The following TET3 variants were observed in gnomAD, a reference collection of about 807,000 sequenced individuals.
TET3 encodes methylcytosine dioxygenase TET3.
In TET3, 19 loss-of-function variants were observed where a neutral mutation model predicts 141.4. The ratio of observed to expected loss-of-function variants is 0.13; its 90% CI spans 0.09 to 0.20. TET3 has a LOEUF of 0.20. TET3 is among the 10% of genes least tolerant of loss of function. TET3 has a pLI of 1.00. For synonymous variants in TET3, 1,043 were observed against 980.9 expected (o/e 1.06, Z -1.18); for missense variants, 1,874 against 2,356.9 (o/e 0.80, Z 4.24).
chr2:74,067,094 T>C (rs6741544), intron 4 of TET3, among the ~76,000 whole-genome samples: 46,686 of 151,626 alleles, frequency 0.31, 7,673 homozygotes, highest in African/African-American at 0.41. Flanking sequence ...ATTCTCTTTC[T>C]CTCCCTCCCC....
chr2:74,036,180 AG>A (rs1687048558), intron 3 of TET3, among the ~76,000 whole-genome samples: 1 of 152,234 alleles, frequency 6.6e-6, no homozygotes, highest in Non-Finnish European at 1.5e-5. Flanking sequence ...CCCAATTTAC[AG>A]GTGACAAAAC....
At chr2:74,056,579 CA>C (rs1349463474) in intron 4 of TET3, among the ~76,000 whole-genome samples, 2 of 151,704 alleles carry the variant, frequency 1.3e-5, no homozygotes, top group Non-Finnish European at 2.9e-5. Flanking sequence ...TCTCAGTGGT[CA>C]AAACAAGACA....
the TET3 span, among the ~76,000 whole-genome samples, chr2:74,131,561 A>T: frequency 6.6e-6 from 1 of 152,120 alleles, no homozygotes; most frequent in East Asian, 1.9e-4. Flanking sequence ...ACCAGGGCTG[A>T]GGGGCACTAC....
At chr2:74,132,718 T>A in the TET3 span, among the ~76,000 whole-genome samples, 1 of 151,878 alleles carries the variant, frequency 6.6e-6, no homozygotes, top group Non-Finnish European at 1.5e-5. Flanking sequence ...AATTAAGAGG[T>A]ACTGGCATTC....
intron 3 of TET3, among the ~76,000 whole-genome samples, chr2:74,038,097 G>A (rs1461734010): frequency 1.3e-5 from 2 of 152,222 alleles, no homozygotes; most frequent in African/African-American, 2.4e-5. Flanking sequence ...TAAGAAGACA[G>A]TGCACTGTAG....
In TET3 at chr2:74,093,952, G is replaced by A. The variant is rs2104134221; in HGVS notation, c.3267+286G>A. On this transcript the variant is annotated intron_variant, in intron 10 of 11. Coordinates refer to ENST00000409262, the MANE Select transcript of TET3 (RefSeq NM_001287491.2). The surrounding 1 kb of genome is among the most constrained non-coding windows in gnomAD (Gnocchi z 4.2). Reference sequence around the variant, plus strand: ...GAGTGCCCAGTTATCTAAAGCGTGGGCCCCGGTCTCTGTGGACACTTGGAT... The same window carrying A: ...GAGTGCCCAGTTATCTAAAGCGTGGACCCCGGTCTCTGTGGACACTTGGAT... Among the ~76,000 whole-genome samples, 1 of 152,330 alleles carries A rather than the reference G, an allele frequency of 6.6e-6. No homozygotes were observed. Among genetic ancestry groups the A allele is most frequent in the East Asian group, 1.9e-4 (1 of 5,188 alleles).
At chr2:74,037,420 G>A (rs1175708770) in intron 3 of TET3, among the ~76,000 whole-genome samples, 1 of 152,242 alleles carries the variant, frequency 6.6e-6, no homozygotes, top group East Asian at 1.9e-4. Flanking sequence ...CTCTAGGACT[G>A]AGATAAAGGA....
chr2:74,030,905 TC>T (rs2105289110), intron 3 of TET3, among the ~76,000 whole-genome samples: 1 of 152,244 alleles, frequency 6.6e-6, no homozygotes, highest in African/African-American at 2.4e-5. Flanking sequence ...CAAGAGGACA[TC>T]AGAGGGGATG....
intron 4 of TET3, among the ~76,000 whole-genome samples, chr2:74,067,804 A>G (rs565179486): frequency 9.9e-4 from 151 of 152,364 alleles, no homozygotes; most frequent in South Asian, 2.3e-3. Context: ...TACATGGGAT[A>G]CCGAGTGGTT....
At chr2:74,100,328 AC>A in intron 11 of TET3, 64 bp from the exon 12 acceptor site, 1 of 1,506,248 alleles carries the variant, frequency 6.6e-7, no homozygotes. Flanking sequence ...CCAGTCCCCG[AC>A]CCAGGGCCTC....
chr2:74,110,803 T>TC (rs1553439268), downstream of TET3, among the ~76,000 whole-genome samples: 1 of 152,146 alleles, frequency 6.6e-6, no homozygotes, highest in Non-Finnish European at 1.5e-5. Context: ...CCCCTGACTC[T>TC]CACTCTCCAT....
intron 3 of TET3, among the ~76,000 whole-genome samples, chr2:74,028,156 T>C (rs554801706): frequency 6.8e-6 from 1 of 147,354 alleles, no homozygotes; most frequent in Non-Finnish European, 1.5e-5. Flanking sequence ...CTGCCTAATT[T>C]TAAAAAAAAA....
intron 7 of TET3, among the ~76,000 whole-genome samples, chr2:74,089,371 T>G (rs1176684093): frequency 6.6e-6 from 1 of 152,226 alleles, no homozygotes; most frequent in African/African-American, 2.4e-5. Context: ...ATCCACTGTG[T>G]GGATCTATCA....
chr2:74,022,861 C>G lies in TET3; in HGVS notation c.360+19695C>G, dbSNP rs376627270. 1.1e-3 allele frequency among the ~76,000 whole-genome samples: 167 copies of G among 152,276 alleles called. 2 individuals are homozygous for G. In the South Asian group the frequency reaches 0.027, roughly 24 times the overall value. On this transcript the variant is annotated intron_variant, in intron 3 of 11. Coordinates refer to ENST00000409262, the MANE Select transcript of TET3 (RefSeq NM_001287491.2). ...GCATGATCTTGGCTCACCGCAACCT[C>G]CACCTCCCAGTTCAAGCGATTCTCA...
chr2:74,115,482 G>A, the TET3 span, among the ~76,000 whole-genome samples: 3 of 152,080 alleles, frequency 2.0e-5, no homozygotes, highest in South Asian at 2.1e-4. Flanking sequence ...TAGACTATTC[G>A]GGTGAACAGG....
Position 74,100,433 on chromosome 2 carries a change from G to A in TET3, c.3645G>A (p.Lys1215=), listed in dbSNP as rs1178845303. 1.9e-6 allele frequency: 3 copies of A among 1,575,062 alleles called. No homozygotes were observed. The Admixed American group carries it at 5.6e-5, about 29-fold the overall frequency. ...LKGGLSQQGL[K]PSLKVEPQNH... The stretch of plus-strand genomic sequence containing the variant: ...GTGGATTGTCCCAGCAAGGCCTGAA[G>A]CCCTCCCTCAAGGTGGAGCCGCAGA... Residue 1215 remains lysine (K), a synonymous_variant, in exon 12 of 12, where the codon AAG becomes AAA. Transcript: ENST00000409262.
intron 3 of TET3, among the ~76,000 whole-genome samples, chr2:74,003,561 G>C (rs1264665501): frequency 4.1e-5 from 6 of 144,790 alleles, no homozygotes; most frequent in Non-Finnish European, 1.5e-5. Flanking sequence ...GTGCGGGGAG[G>C]GGGGGTGGGG....
the TET3 span, among the ~76,000 whole-genome samples, chr2:74,132,724 C>T: frequency 6.6e-6 from 1 of 152,030 alleles, no homozygotes. Flanking sequence ...GAGGTACTGG[C>T]ATTCAAGTCA....
intron 4 of TET3, among the ~76,000 whole-genome samples, chr2:74,071,291 A>G (rs1689190174): frequency 6.6e-6 from 1 of 152,110 alleles, no homozygotes; most frequent in African/African-American, 2.4e-5. Flanking sequence ...TTCAACATAC[A>G]AATTTGGGAG....
Sources: allele counts gnomAD v4.1 joint callset (sites outside exome capture counted in the v4.1 genomes callset), GRCh38; gene constraint gnomAD v4.1.1; non-coding constraint Gnocchi (gnomAD v3.1); transcripts MANE v1.5; gene names NCBI Gene and HGNC (gene_info 2026-07-23, HGNC 2026-07-21).